AGBL1: variants seen among roughly 807,000 people sequenced by gnomAD.
The protein encoded by AGBL1 is cytosolic carboxypeptidase 4.
A neutral mutation model predicts 118.9 loss-of-function variants in AGBL1; 130 were observed. The observed-to-expected ratio is 1.09, with a 90% CI of 0.95 to 1.26. AGBL1 has a LOEUF of 1.26. Ranked by LOEUF, AGBL1 falls within the 50% of genes most tolerant of loss-of-function variation. AGBL1 has a pLI of 0.00. For synonymous variants in AGBL1, 555 were observed against 478.9 expected, an observed-to-expected ratio of 1.16 and a Z score of -2.08; for missense variants, 1,584 against 1,298.1, an observed-to-expected ratio of 1.22 and a Z score of -3.38.
intron 18 of AGBL1, among the ~76,000 whole-genome samples, chr15:86,478,888 T>C (rs12915218): frequency 0.46 from 70,403 of 152,028 alleles, 16,898 homozygotes; most frequent in Middle Eastern, 0.56. Flanking sequence ...AACAGAGATA[T>C]AGACCAATGG....
intron 24 of AGBL1, among the ~76,000 whole-genome samples, chr15:87,027,516 A>G (rs1416932710): frequency 1.3e-5 from 2 of 150,974 alleles, no homozygotes; most frequent in African/African-American, 4.9e-5. Context: ...AATACATTAT[A>G]TAGATATGTA....
At chr15:86,191,339 A>G (rs1409199090) in intron 5 of AGBL1, among the ~76,000 whole-genome samples, 1 of 98,968 alleles carries the variant, frequency 1.0e-5, no homozygotes, top group Admixed American at 1.0e-4. Flanking sequence ...CAGGAGCAAA[A>G]CTTTGTCTCA....
chr15:86,285,867 T>C (rs2079435511), intron 16 of AGBL1, among the ~76,000 whole-genome samples: 1 of 152,330 alleles, frequency 6.6e-6, no homozygotes, highest in Non-Finnish European at 1.5e-5. Flanking sequence ...TGAAGGACAG[T>C]GCTCATGTGC....
intron 1 of AGBL1, among the ~76,000 whole-genome samples, chr15:86,140,863 T>G (rs1397167076): frequency 6.6e-6 from 1 of 152,026 alleles, no homozygotes. Flanking sequence ...TCAGGCAGGG[T>G]GTTGTAATGA....
chr15:86,104,765 A>G (rs898475276), intron 1 of AGBL1, among the ~76,000 whole-genome samples: 26 of 152,190 alleles, frequency 1.7e-4, no homozygotes, highest in African/African-American at 6.3e-4. Flanking sequence ...TCAAAATAGC[A>G]TCTTCCTGTA....
intron 1 of AGBL1, among the ~76,000 whole-genome samples, chr15:86,132,617 C>G (rs1021953365): frequency 1.3e-5 from 2 of 152,204 alleles, no homozygotes; most frequent in African/African-American, 2.4e-5. Context: ...ATGGAGCCTG[C>G]TTTCCAATCA....
chr15:86,386,920 T>G (rs993473387), intron 17 of AGBL1, among the ~76,000 whole-genome samples: 5 of 152,230 alleles, frequency 3.3e-5, no homozygotes, highest in Non-Finnish European at 7.3e-5. Flanking sequence ...AATGAGTGAT[T>G]ATGTTGTTTA....
chr15:86,360,619 A>G (rs1039519815), intron 17 of AGBL1, among the ~76,000 whole-genome samples: 1 of 151,900 alleles, frequency 6.6e-6, no homozygotes, highest in Non-Finnish European at 1.5e-5. Flanking sequence ...ACTGGTTTTA[A>G]TTCTTCTTTG....
At chr15:86,418,098 A>C (rs1047155059) in intron 18 of AGBL1, among the ~76,000 whole-genome samples, 1 of 152,180 alleles carries the variant, frequency 6.6e-6, no homozygotes, top group Admixed American at 6.6e-5. Flanking sequence ...TGAATCTGCT[A>C]TCCATTTCAT....
At chr15:86,185,158 C>G (rs868466733) in intron 5 of AGBL1, among the ~76,000 whole-genome samples, 1 of 152,166 alleles carries the variant, frequency 6.6e-6, no homozygotes, top group African/African-American at 2.4e-5. Flanking sequence ...TGAAAAAATG[C>G]TCATCATCAC....
At chr15:86,916,231 G>T (rs971326037), downstream of AGBL1, 1 of 152,192 alleles carries the variant, frequency 6.6e-6, no homozygotes, top group African/African-American at 2.4e-5. Context: ...AGAGACCATT[G>T]TCCTGGGAAC....
intron 17 of AGBL1, among the ~76,000 whole-genome samples, chr15:86,351,935 A>T (rs1164544872): frequency 3.9e-5 from 6 of 152,214 alleles, no homozygotes; most frequent in Admixed American, 2.0e-4. Context: ...TTACATTAAA[A>T]GTGTGACATC....
chr15:86,343,938 C>G (rs543222188), intron 17 of AGBL1, among the ~76,000 whole-genome samples: 10 of 152,256 alleles, frequency 6.6e-5, no homozygotes, highest in Non-Finnish European at 1.5e-5. Flanking sequence ...ATCATTGAAT[C>G]ACTCCACAGT....
At chr15:86,960,342 G>A (rs1467450878) in intron 23 of AGBL1, among the ~76,000 whole-genome samples, 1 of 151,890 alleles carries the variant, frequency 6.6e-6, no homozygotes, top group African/African-American at 2.4e-5. Context: ...ATAAACTACA[G>A]GTAATTCCAT....
chr15:86,399,804 C>T (rs559268131), intron 18 of AGBL1, among the ~76,000 whole-genome samples: 4 of 152,188 alleles, frequency 2.6e-5, no homozygotes, highest in Admixed American at 2.6e-4. Context: ...CCAGCTTCTC[C>T]TTAGTGACAC....
intron 22 of AGBL1, among the ~76,000 whole-genome samples, chr15:86,875,496 C>G (rs944995167): frequency 6.6e-6 from 1 of 152,210 alleles, no homozygotes; most frequent in African/African-American, 2.4e-5. Context: ...TCATAACTTT[C>G]TCTTCAGTGT....
intron 5 of AGBL1, among the ~76,000 whole-genome samples, chr15:86,206,075 T>A (rs756331191): frequency 7.2e-5 from 11 of 152,198 alleles, no homozygotes; most frequent in Non-Finnish European, 1.0e-4. Context: ...GAACATGCAG[T>A]GTTTGGGACA....
At chr15:86,785,371 T>TTG (rs1555449845) in intron 22 of AGBL1, among the ~76,000 whole-genome samples, 2 of 143,882 alleles carry the variant, frequency 1.4e-5, no homozygotes, top group African/African-American at 2.6e-5. Flanking sequence ...TTTTTTTTTT[T>TTG]TTTTTTTGTT....
intron 21 of AGBL1, among the ~76,000 whole-genome samples, chr15:86,571,768 C>G (rs2084011421): frequency 6.6e-6 from 1 of 152,178 alleles, no homozygotes; most frequent in Non-Finnish European, 1.5e-5. Context: ...TGGGCCCAGG[C>G]AAAAGCACCA....
Sources: allele counts gnomAD v4.1 joint callset (sites outside exome capture counted in the v4.1 genomes callset), GRCh38; gene constraint gnomAD v4.1.1; transcripts MANE v1.5; gene names NCBI Gene and HGNC (gene_info 2026-07-23, HGNC 2026-07-21).